Variants in SLC67A2 observed in about 807,000 individuals in gnomAD.
SLC67A2 encodes solute carrier family 67 member A2.
chr2:102,736,823 CG>C, the SLC67A2 span: 6 of 1,592,020 alleles, frequency 3.8e-6, no homozygotes, highest in Non-Finnish European at 5.1e-6. Flanking sequence ...CCGCGCCGGC[CG>C]GGGGTCGGAC....
the SLC67A2 span, chr2:102,732,216 CT>C: frequency 1.8e-5 from 18 of 1,002,896 alleles, no homozygotes; most frequent in Non-Finnish European, 2.9e-5. Flanking sequence ...TCATTTCCCA[CT>C]TACCTTTGGA....
At chr2:102,728,847 C>A in the SLC67A2 span, among the ~76,000 whole-genome samples, 7 of 152,158 alleles carry the variant, frequency 4.6e-5, no homozygotes, top group Admixed American at 1.3e-4. Context: ...CCACTCAACA[C>A]TTTCTGTGTG....
chr2:102,718,626 C>T, the SLC67A2 span: 13 of 1,613,712 alleles, frequency 8.1e-6, no homozygotes, highest in Non-Finnish European at 1.0e-5. Flanking sequence ...GTGCCGCTGG[C>T]CTGGGCCCCG....
chr2:102,721,657 C>G, the SLC67A2 span, among the ~76,000 whole-genome samples: 2 of 149,004 alleles, frequency 1.3e-5, no homozygotes, highest in South Asian at 4.3e-4. Context: ...GCTCATAGTC[C>G]TGTGTGTGTG....
chr2:102,721,271 T>C, the SLC67A2 span, among the ~76,000 whole-genome samples: 3 of 152,236 alleles, frequency 2.0e-5, no homozygotes, highest in East Asian at 3.9e-4. Flanking sequence ...TATGTGAAGA[T>C]ACCTGGTCAC....
chr2:102,723,670 A>G, the SLC67A2 span: 8 of 1,602,906 alleles, frequency 5.0e-6, no homozygotes, highest in Non-Finnish European at 6.8e-6. Context: ...ATGAATACAC[A>G]AAACAATCTT....
At chr2:102,734,543 CA>C in the SLC67A2 span, among the ~76,000 whole-genome samples, 2 of 150,672 alleles carry the variant, frequency 1.3e-5, no homozygotes, top group East Asian at 3.9e-4. Context: ...CTAAATATGT[CA>C]AAAAAAAACT....
the SLC67A2 span, among the ~76,000 whole-genome samples, chr2:102,734,636 A>G: frequency 1.3e-5 from 2 of 152,342 alleles, no homozygotes; most frequent in Admixed American, 6.5e-5. Flanking sequence ...AAAGCTTCAT[A>G]TATTTAATTG....
At chr2:102,718,369 G>T in the SLC67A2 span, 1 of 1,596,412 alleles carries the variant, frequency 6.3e-7, no homozygotes, top group Non-Finnish European at 8.5e-7. Context: ...ATGGCCTCCG[G>T]CCCTCATTCA....
the SLC67A2 span, among the ~76,000 whole-genome samples, chr2:102,727,917 T>C: frequency 6.6e-6 from 1 of 152,190 alleles, no homozygotes; most frequent in South Asian, 2.1e-4. Flanking sequence ...TTTTTTAAAA[T>C]TTGTGTACTA....
chr2:102,721,973 T>C, the SLC67A2 span, among the ~76,000 whole-genome samples: 1 of 152,242 alleles, frequency 6.6e-6, no homozygotes, highest in Admixed American at 6.5e-5. Flanking sequence ...CCCAGAGTGC[T>C]GGGATTGCAG....
chr2:102,732,414 A>C, the SLC67A2 span: 99 of 1,603,380 alleles, frequency 6.2e-5, no homozygotes, highest in South Asian at 1.1e-3. Flanking sequence ...CAAATCCTAA[A>C]ACAAAATAAA....
chr2:102,732,432 G>A, the SLC67A2 span: 1 of 1,563,108 alleles, frequency 6.4e-7, no homozygotes, highest in Non-Finnish European at 8.7e-7. Context: ...AAATGCTGAT[G>A]GACTCAAATT....
the SLC67A2 span, among the ~76,000 whole-genome samples, chr2:102,726,103 T>G: frequency 6.6e-6 from 1 of 152,246 alleles, no homozygotes; most frequent in East Asian, 1.9e-4. Context: ...TTCAAAATGT[T>G]AAAAACAGTC....
At chr2:102,736,786 T>C in the SLC67A2 span, 4 of 1,613,106 alleles carry the variant, frequency 2.5e-6, no homozygotes, top group Admixed American at 1.7e-5. Context: ...GCCGAGTTCA[T>C]GTCCCAGTGA....
At chr2:102,734,836 G>T in the SLC67A2 span, among the ~76,000 whole-genome samples, 2 of 152,192 alleles carry the variant, frequency 1.3e-5, no homozygotes, top group Non-Finnish European at 2.9e-5. Context: ...GATAAATTGT[G>T]AATATTCAAA....
chr2:102,723,894 G>A, the SLC67A2 span: 271 of 1,613,856 alleles, frequency 1.7e-4, no homozygotes, highest in Non-Finnish European at 2.0e-4. Context: ...GATGGAGAGA[G>A]TGTGTTTAAA....
the SLC67A2 span, among the ~76,000 whole-genome samples, chr2:102,715,407 C>CA: frequency 6.6e-6 from 1 of 152,160 alleles, no homozygotes; most frequent in African/African-American, 2.4e-5. Flanking sequence ...GATACAGAAT[C>CA]AGTGATTCCA....
the SLC67A2 span, chr2:102,732,276 G>C: frequency 6.8e-7 from 1 of 1,468,722 alleles, no homozygotes; most frequent in African/African-American, 1.4e-5. Flanking sequence ...TGGTTCAGAG[G>C]ATTTAAAATT....
Sources: gnomAD v4.1 joint callset for allele counts (sites outside exome capture counted in the v4.1 genomes callset) on GRCh38, gnomAD v4.1.1 for gene constraint, MANE v1.5 for transcripts, NCBI Gene and HGNC (gene_info 2026-07-23, HGNC 2026-07-21) for gene names.